The following PPDPFL variants were observed in gnomAD, a reference collection of about 807,000 sequenced individuals.
PPDPFL encodes pancreatic progenitor cell differentiation and proliferation factor-like protein.
Under a neutral mutation model 12.6 loss-of-function variants are expected in PPDPFL, and 12 were observed. The observed-to-expected ratio is 0.95, with a 90% CI of 0.61 to 1.54. The LOEUF is 1.54. Ranked by LOEUF, PPDPFL falls within the 40% of genes most tolerant of loss-of-function variation. PPDPFL has a pLI of 0.00. For missense variants in PPDPFL, 114 were observed against 96.0 expected (o/e 1.19, Z -0.78); for synonymous variants, 24 against 32.7 (o/e 0.73, Z 0.91).
chr8:49,066,042 G>C (rs1808295036), intron 1 of PPDPFL, among the ~76,000 whole-genome samples: 1 of 152,362 alleles, frequency 6.6e-6, no homozygotes, highest in East Asian at 1.9e-4. Context: ...TCTCCAGCCA[G>C]TAAGCCAAAA....
At chr8:49,071,037 C>T (rs544023137), upstream of PPDPFL, among the ~76,000 whole-genome samples, 2 of 152,214 alleles carry the variant, frequency 1.3e-5, no homozygotes, top group East Asian at 1.9e-4. Flanking sequence ...CCTGACTCCC[C>T]GATCTCCCTG....
upstream of PPDPFL, among the ~76,000 whole-genome samples, chr8:49,072,184 G>A (rs1194019985): frequency 4.6e-5 from 7 of 152,378 alleles, no homozygotes; most frequent in East Asian, 1.2e-3. Flanking sequence ...AGGCTGCTGC[G>A]TTCGGAGGGC....
upstream of PPDPFL, among the ~76,000 whole-genome samples, chr8:49,069,205 A>C (rs1048105296): frequency 1.3e-5 from 2 of 152,188 alleles, no homozygotes; most frequent in Non-Finnish European, 2.9e-5. Context: ...AATTCATAAA[A>C]CAAAAATCAA....
intron 1 of PPDPFL, among the ~76,000 whole-genome samples, chr8:49,054,778 A>C (rs978801854): frequency 6.6e-6 from 1 of 152,170 alleles, no homozygotes; most frequent in African/African-American, 2.4e-5. Flanking sequence ...CAGGTTTAAA[A>C]AGTTTGGGAA....
intron 1 of PPDPFL, among the ~76,000 whole-genome samples, chr8:49,059,391 TA>T (rs1313331208): frequency 6.6e-6 from 1 of 152,152 alleles, no homozygotes; most frequent in Non-Finnish European, 1.5e-5. Flanking sequence ...CTAGAAATAC[TA>T]AAACCTCAAA....
intron 1 of PPDPFL, among the ~76,000 whole-genome samples, chr8:49,057,258 C>T (rs1808125041): frequency 6.6e-6 from 1 of 152,054 alleles, no homozygotes; most frequent in Non-Finnish European, 1.5e-5. Flanking sequence ...AAATATTTAT[C>T]AACATTTTTA....
intron 1 of PPDPFL, among the ~76,000 whole-genome samples, chr8:49,055,260 A>G (rs1808095093): frequency 6.6e-6 from 1 of 152,142 alleles, no homozygotes; most frequent in Admixed American, 6.5e-5. Context: ...ACTCCCCATC[A>G]GAGTCAACAA....
chr8:49,054,456 C>T (rs1232586899), intron 1 of PPDPFL: 1 of 152,128 alleles, frequency 6.6e-6, no homozygotes, highest in Admixed American at 6.6e-5. Flanking sequence ...AGATACAATA[C>T]ATATAACGTA....
intron 1 of PPDPFL, among the ~76,000 whole-genome samples, chr8:49,060,566 G>A (rs2129243814): frequency 6.6e-6 from 1 of 152,188 alleles, no homozygotes; most frequent in East Asian, 1.9e-4. Context: ...GCCCACCTCG[G>A]CCTCCCAAAG....
At chr8:49,073,033 C>A in intron 2 of PPDPFL, 148 bp downstream of exon 2, 1 of 693,904 alleles carries the variant, frequency 1.4e-6, no homozygotes. Context: ...GCCTCAGGGA[C>A]TTCTCTGATC....
chr8:49,065,363 A>G (rs1367259663), intron 1 of PPDPFL, among the ~76,000 whole-genome samples: 3 of 152,180 alleles, frequency 2.0e-5, no homozygotes, highest in East Asian at 1.9e-4. Flanking sequence ...AAGGATGCCT[A>G]TGGAGGAAAC....
intron 4 of PPDPFL, 121 bp downstream of exon 4, chr8:49,074,454 C>G (rs1808453944): frequency 1.3e-6 from 2 of 1,546,810 alleles, no homozygotes; most frequent in Admixed American, 2.0e-5. Flanking sequence ...GTGAGCCTTG[C>G]CTATGAAGCG....
chr8:49,059,974 G>A (rs1037281058), intron 1 of PPDPFL, among the ~76,000 whole-genome samples: 5 of 152,076 alleles, frequency 3.3e-5, no homozygotes, highest in South Asian at 2.1e-4. Context: ...TGGACCATCT[G>A]ATAAAAGTTA....
intron 1 of PPDPFL, 49 bp downstream of exon 1, chr8:49,072,531 C>A: frequency 9.8e-6 from 2 of 204,596 alleles, no homozygotes; most frequent in East Asian, 1.2e-4. Context: ...ACCTTTAGGT[C>A]TGTTTTAGAT....
At chr8:49,062,767 G>A (rs1028060274) in intron 1 of PPDPFL, among the ~76,000 whole-genome samples, 6 of 152,120 alleles carry the variant, frequency 3.9e-5, no homozygotes, top group East Asian at 1.9e-4. Flanking sequence ...GGGCCAAGAC[G>A]GACCAGTGGT....
At chr8:49,055,282 C>T (rs1263208163) in intron 1 of PPDPFL, among the ~76,000 whole-genome samples, 1 of 152,122 alleles carries the variant, frequency 6.6e-6, no homozygotes, top group African/African-American at 2.4e-5. Context: ...AGTGGCTTCC[C>T]TACTGTACAT....
chr8:49,067,481 A>G (rs1357416104), upstream of PPDPFL, among the ~76,000 whole-genome samples: 1 of 152,236 alleles, frequency 6.6e-6, no homozygotes. Flanking sequence ...TAAGTCTTCC[A>G]AGACAGTCAG....
chr8:49,060,085 A>G (rs1017763553), intron 1 of PPDPFL, among the ~76,000 whole-genome samples: 7 of 152,228 alleles, frequency 4.6e-5, no homozygotes, highest in African/African-American at 7.2e-5. Context: ...TATATCTTCA[A>G]TTAGGCATAG....
upstream of PPDPFL, among the ~76,000 whole-genome samples, chr8:49,068,357 C>T (rs1395763008): frequency 6.6e-6 from 1 of 152,072 alleles, no homozygotes; most frequent in African/African-American, 2.4e-5. Context: ...GTGGGATGGC[C>T]TAGTGGGTGG....
Sources: gnomAD v4.1 joint callset for allele counts (sites outside exome capture counted in the v4.1 genomes callset) on GRCh38, gnomAD v4.1.1 for gene constraint, MANE v1.5 for transcripts, NCBI Gene and HGNC (gene_info 2026-07-23, HGNC 2026-07-21) for gene names.